CLPTM1: variants seen among roughly 807,000 people sequenced by gnomAD.
CLPTM1 encodes CLPTM1 regulator of GABA type A receptor forward trafficking, also known as putative lipid scramblase CLPTM1.
In CLPTM1, 21 loss-of-function variants were observed where a neutral mutation model predicts 77.3. That is an observed-to-expected ratio of 0.27 (90% CI 0.19 to 0.39). The LOEUF is 0.39. Among genes scored for constraint, CLPTM1 ranks in the 10% least tolerant of loss-of-function variants. The probability of loss-of-function intolerance (pLI) is 1.00; values close to 1 mark genes in which losing one functional copy is unlikely to be tolerated. For missense variants in CLPTM1, 642 were observed against 921.2 expected, an observed-to-expected ratio of 0.70 and a Z score of 3.92; for synonymous variants, 373 against 381.0, an observed-to-expected ratio of 0.98 and a Z score of 0.24.
chr19:44,971,357 GTGT>G (rs1271494728), intron 2 of CLPTM1, among the ~76,000 whole-genome samples: 1 of 151,894 alleles, frequency 6.6e-6, no homozygotes, highest in African/African-American at 2.4e-5. Flanking sequence ...TATTTTCTTA[GTGT>G]ATTAATTTTA....
chr19:44,980,457 C>T (rs929802595), intron 5 of CLPTM1, among the ~76,000 whole-genome samples: 5 of 148,414 alleles, frequency 3.4e-5, no homozygotes, highest in South Asian at 4.3e-4. Flanking sequence ...TGCAGTGAGC[C>T]GAGATCGTGC....
At chr19:44,988,280 T>C (rs1223408687) in intron 9 of CLPTM1, 107 bp downstream of exon 9, 2 of 834,544 alleles carry the variant, frequency 2.4e-6, no homozygotes, top group Non-Finnish European at 4.1e-6. Context: ...CTGCCTGGGG[T>C]CTCTCAGCCC....
chr19:44,974,439 A>C lies in CLPTM1; in HGVS notation c.310A>C (p.Asn104His), dbSNP rs138504126. 6.2e-6 allele frequency: 10 copies of C among 1,611,522 alleles called. No individual in the cohort carries two copies. Among genetic ancestry groups the C allele is most frequent in the Non-Finnish European group, 8.5e-6 (10 of 1,178,018 alleles). ...CTCTGTTCCCTTCCTGTCCCAACAG[A>C]ACCTGCATGTGTACATCTCAGAGCA... is the stretch of plus-strand genomic sequence containing the variant. ...RNLFPKDTLM[N>H]LHVYISEHEH... Residue 104 changes from asparagine to histidine, a missense_variant and splice_region_variant, in exon 4 of 14, where the codon AAC becomes CAC. Asn to His is a moderately conservative substitution (Grantham distance 68). Coordinates refer to ENST00000337392, the MANE Select transcript of CLPTM1 (RefSeq NM_001294.4).
Position 44,990,713 on chromosome 19 carries a change from A to G in CLPTM1, c.1323+128A>G, listed in dbSNP as rs1358007936. On this transcript the variant is annotated intron_variant, in intron 10 of 13. Transcript: ENST00000337392. The surrounding 1 kb of genome is among the most constrained non-coding windows in gnomAD (Gnocchi z 4.8). ...GTGCCTCACTCCCAGGACTGAGGGG[A>G]TTTTCTCACCAGGGGATTTTTTGGG... The G allele has an allele frequency of 7.5e-7, 1 of 1,325,890 alleles. No homozygotes were observed. The highest frequency in any genetic ancestry group is 1.5e-5 in the African/African-American group (1 of 65,956). 82.1% of individuals were successfully genotyped at this position (1,325,890 alleles called of 1,614,324 possible).
At chr19:44,984,790 G>A (rs181111255) in intron 5 of CLPTM1, among the ~76,000 whole-genome samples, 1 of 152,118 alleles carries the variant, frequency 6.6e-6, no homozygotes, top group Admixed American at 6.6e-5. Context: ...TAGTTCAAGC[G>A]ATTCTCCTGC....
At chr19:44,964,500 G>A (rs1316569243) in intron 2 of CLPTM1, among the ~76,000 whole-genome samples, 1 of 146,912 alleles carries the variant, frequency 6.8e-6, no homozygotes, top group Non-Finnish European at 1.5e-5. Context: ...TAGTGGAGAT[G>A]GGGTTTTGCC....
rs760297963 is a variant in CLPTM1 at position 44,992,708 on chromosome 19, TGCCGCCCCCGTGGCC to T, written c.1823_1837del (p.Ala608_Ala612del). On this transcript the variant is annotated inframe_deletion, in exon 14 of 14. Coordinates refer to ENST00000337392, the MANE Select transcript of CLPTM1 (RefSeq NM_001294.4). This position sits in a 1 kb window ranked among gnomAD's most constrained non-coding sequence, Gnocchi z 7.7. Reference sequence around the variant, plus strand: ...GCATGAGTGGAGAAGACCCCACAGCTGCCGCCCCCGTGGCCGAGGTTCCCACAGCAGCAGGGGCCC... The same window carrying T: ...GCATGAGTGGAGAAGACCCCACAGCTGAGGTTCCCACAGCAGCAGGGGCCC... 25 of 1,613,552 alleles carry T rather than the reference TGCCGCCCCCGTGGCC, an allele frequency of 1.5e-5. No homozygotes were observed. Among genetic ancestry groups the T allele is most frequent in the Non-Finnish European group, 1.9e-5 (23 of 1,179,878 alleles).
At chr19:44,954,905 CA>C, upstream of CLPTM1, 1 of 1,402,104 alleles carries the variant, frequency 7.1e-7, no homozygotes. Context: ...GGGTGCTGGG[CA>C]AAAGGCTAGT....
At chr19:44,966,367 C>T (rs1223800520) in intron 2 of CLPTM1, among the ~76,000 whole-genome samples, 2 of 151,822 alleles carry the variant, frequency 1.3e-5, no homozygotes, top group Non-Finnish European at 2.9e-5. Context: ...GCCAAGATGC[C>T]GCCACTGCAC....
chr19:44,985,168 C>T (rs1370926673), intron 5 of CLPTM1, 50 bp from the exon 6 acceptor site: 4 of 1,373,946 alleles, frequency 2.9e-6, no homozygotes, highest in African/African-American at 2.8e-5. Context: ...CTGGAGGCTG[C>T]AGGTGCCAGC....
At chr19:44,972,938 G>T in intron 2 of CLPTM1, 149 bp from the exon 3 acceptor site, 3 of 1,066,380 alleles carry the variant, frequency 2.8e-6, no homozygotes. Context: ...CTCCTTGCCA[G>T]CCCTGTGACT....
intron 2 of CLPTM1, among the ~76,000 whole-genome samples, chr19:44,967,686 C>A (rs1399270374): frequency 2.0e-5 from 3 of 151,864 alleles, no homozygotes; most frequent in African/African-American, 7.3e-5. Context: ...CTCATGATCC[C>A]TGATGTAGTC....
rs35539206 is a variant in CLPTM1 at position 44,964,298 on chromosome 19, C to CTTTTTTT, written c.185+2247_185+2253dup. Among the ~76,000 whole-genome samples the CTTTTTTT allele has an allele frequency of 1.6e-3, 112 of 68,154 alleles. 13 individuals are homozygous for CTTTTTTT. The highest frequency in any genetic ancestry group is 2.4e-3 in the African/African-American group (39 of 16,038). 44.7% of individuals were successfully genotyped at this position (68,154 alleles called of 152,430 possible). ...TTTTAACCTATGTTTTCATTTTAACCTTTTTTTTTTTTTTTTTTTTTTTTT... is the reference window on the plus strand; with the variant it reads ...TTTTAACCTATGTTTTCATTTTAACCTTTTTTTTTTTTTTTTTTTTTTTTTTTTTTTT... On this transcript the variant is annotated intron_variant, in intron 2 of 13. Transcript: ENST00000337392.
intron 1 of CLPTM1, among the ~76,000 whole-genome samples, chr19:44,957,385 T>C (rs749575052): frequency 2.0e-4 from 30 of 152,360 alleles, no homozygotes; most frequent in African/African-American, 4.3e-4. Flanking sequence ...AGGACTGCCT[T>C]GATCACCACT....
rs758409787 is a variant in CLPTM1 at position 44,985,322 on chromosome 19, C to G, written c.672+19C>G. ...GATCAAGGTAAATGGGCAGGGTTGT[C>G]AGGGCCTATAGGGACCAAGCCAGGC... On this transcript the variant is annotated intron_variant, in intron 6 of 13. Coordinates refer to ENST00000337392, the MANE Select transcript of CLPTM1 (RefSeq NM_001294.4). 1.9e-6 allele frequency: 3 copies of G among 1,565,222 alleles called. No individual in the cohort carries two copies. In the East Asian group the frequency reaches 6.7e-5, roughly 35 times the overall value.
chr19:44,983,797 C>T (rs1383314365), intron 5 of CLPTM1, among the ~76,000 whole-genome samples: 1 of 151,742 alleles, frequency 6.6e-6, no homozygotes, highest in Non-Finnish European at 1.5e-5. Flanking sequence ...CCTGTCTTTA[C>T]TAAAAATACA....
intron 5 of CLPTM1, 64 bp downstream of exon 5, chr19:44,977,524 G>C (rs977591328): frequency 7.4e-5 from 92 of 1,250,624 alleles, no homozygotes; most frequent in Non-Finnish European, 1.0e-4. Flanking sequence ...GAGCCCCCAG[G>C]CTAATGTGGC....
Position 44,986,472 on chromosome 19 carries a change from G to C in CLPTM1, c.690G>C (p.Gly230=). 2.5e-6 allele frequency: 4 copies of C among 1,614,062 alleles called. No individual in the cohort carries two copies. Among genetic ancestry groups the C allele is most frequent in the Non-Finnish European group, 3.4e-6 (4 of 1,179,988 alleles). Residue 230 remains glycine, a synonymous_variant, in exon 7 of 14, where the codon GGG becomes GGC. Coordinates refer to ENST00000337392, the MANE Select transcript of CLPTM1 (RefSeq NM_001294.4). ...PEMIKRAEDY[G]PVEVISHWHP... The stretch of plus-strand genomic sequence containing the variant: ...TGCCTCAGAGGGCTGAGGACTATGG[G>C]CCTGTGGAGGTGATCTCCCATTGGC...
At position 44,990,393 on chromosome 19, in the gene CLPTM1, A is replaced by G. The variant is rs1215533779; in HGVS notation, c.1133-2A>G. The stretch of plus-strand genomic sequence containing the variant: ...TGGTTCCCCCCTACCCCCTGCGCAC[A>G]GATATCCAGTTCTGGAACAGCCGGC... On this transcript the variant is annotated splice_acceptor_variant, in intron 9 of 13. Coordinates refer to ENST00000337392, the MANE Select transcript of CLPTM1 (RefSeq NM_001294.4). LOFTEE classifies it high-confidence loss of function. This position sits in a 1 kb window ranked among gnomAD's most constrained non-coding sequence, Gnocchi z 4.8. The G allele has an allele frequency of 6.2e-7, 1 of 1,613,902 alleles. No individual in the cohort carries two copies. Among genetic ancestry groups the G allele is most frequent in the Non-Finnish European group, 8.5e-7 (1 of 1,179,876 alleles).
Sources: allele counts gnomAD v4.1 joint callset (sites outside exome capture counted in the v4.1 genomes callset), GRCh38; gene constraint gnomAD v4.1.1; non-coding constraint Gnocchi (gnomAD v3.1); transcripts MANE v1.5; gene names NCBI Gene and HGNC (gene_info 2026-07-23, HGNC 2026-07-21).